Variants in DISC1 observed in about 807,000 individuals in gnomAD.
DISC1 encodes disrupted in schizophrenia 1 protein.
A neutral mutation model predicts 84.5 loss-of-function variants in DISC1; 57 were observed. That is an observed-to-expected ratio of 0.67 (90% CI 0.55 to 0.84). The LOEUF (loss-of-function observed/expected upper bound fraction) is 0.84. Ranked by LOEUF, DISC1 falls within the 40% of genes least tolerant of loss-of-function variation. The pLI, the probability that DISC1 is intolerant of heterozygous loss-of-function variation, is 0.00. For synonymous variants in DISC1, 411 were observed against 415.2 expected (o/e 0.99, Z 0.12); for missense variants, 1,000 against 1,057.8 (o/e 0.95, Z 0.76).
At chr1:231,845,777 C>T (rs1409551934) in intron 9 of DISC1, among the ~76,000 whole-genome samples, 4 of 151,874 alleles carry the variant, frequency 2.6e-5, no homozygotes, top group Non-Finnish European at 4.4e-5. Context: ...TGGATGTGGT[C>T]GTGGAACAGG....
intron 9 of DISC1, among the ~76,000 whole-genome samples, chr1:231,912,496 A>G (rs1215540737): frequency 6.6e-6 from 1 of 152,132 alleles, no homozygotes; most frequent in Non-Finnish European, 1.5e-5. Flanking sequence ...CAGAACAGCA[A>G]ATATTGCAGA....
At chr1:231,664,690 A>C (rs1331937035) in intron 1 of DISC1, among the ~76,000 whole-genome samples, 3 of 152,192 alleles carry the variant, frequency 2.0e-5, no homozygotes, top group Non-Finnish European at 2.9e-5. Flanking sequence ...GAACTGTAAA[A>C]TAATAGATTT....
At chr1:231,982,543 C>T (rs1422601689) in intron 10 of DISC1, among the ~76,000 whole-genome samples, 1 of 152,126 alleles carries the variant, frequency 6.6e-6, no homozygotes, top group African/African-American at 2.4e-5. Flanking sequence ...AGCAGAGTGG[C>T]AGATAAAAGA....
intron 3 of DISC1, among the ~76,000 whole-genome samples, chr1:231,737,810 C>G (rs1287918401): frequency 3.9e-5 from 6 of 152,234 alleles, no homozygotes; most frequent in African/African-American, 1.4e-4. Context: ...ATACATACGC[C>G]CGTTATCAGA....
chr1:231,724,190 G>A (rs1312976895), intron 3 of DISC1: 2 of 356,778 alleles, frequency 5.6e-6, no homozygotes, highest in Non-Finnish European at 7.8e-6. Flanking sequence ...AAGGGGGCAG[G>A]GCTGCTTCCC....
chr1:231,684,187 G>A (rs985995852), intron 1 of DISC1, among the ~76,000 whole-genome samples: 2 of 152,050 alleles, frequency 1.3e-5, no homozygotes, highest in Non-Finnish European at 2.9e-5. Flanking sequence ...CTGGAGTGCA[G>A]TGGCTATTCA....
intron 9 of DISC1, among the ~76,000 whole-genome samples, chr1:231,912,198 GTCC>G (rs2089265019): frequency 6.6e-6 from 1 of 152,080 alleles, no homozygotes; most frequent in Non-Finnish European, 1.5e-5. Flanking sequence ...GTCATTCTCC[GTCC>G]AGCTTTGTTC....
intron 11 of DISC1, among the ~76,000 whole-genome samples, chr1:232,016,160 C>G (rs998184192): frequency 6.6e-6 from 1 of 152,164 alleles, no homozygotes; most frequent in African/African-American, 2.4e-5. Flanking sequence ...AAAACAGTAA[C>G]TATGGTAGTC....
At chr1:232,014,073 C>A (rs774030979) in intron 11 of DISC1, among the ~76,000 whole-genome samples, 1 of 152,162 alleles carries the variant, frequency 6.6e-6, no homozygotes. Context: ...TATCTCCATT[C>A]CTTTTTACTC....
intron 7 of DISC1, among the ~76,000 whole-genome samples, chr1:231,799,286 C>A (rs1279138456): frequency 6.6e-6 from 1 of 152,064 alleles, no homozygotes; most frequent in Admixed American, 6.6e-5. Flanking sequence ...TATCTATCTG[C>A]CTTCAAAGTT....
chr1:232,009,223 A>C lies in DISC1; in HGVS notation c.2307+174A>C. Reference sequence around the variant, plus strand: ...ACAAAATAAAGTAGAATTTTTGTAGAAGTTTGAAATATAGAAGAGCAAAAA... The same window carrying C: ...ACAAAATAAAGTAGAATTTTTGTAGCAGTTTGAAATATAGAAGAGCAAAAA... On this transcript the variant is annotated intron_variant, in intron 11 of 12. Transcript: ENST00000439617. The surrounding 1 kb of genome is among the most constrained non-coding windows in gnomAD (Gnocchi z 4.6). The C allele has an allele frequency of 7.0e-7, 1 of 1,420,234 alleles. No individual in the cohort carries two copies. Among genetic ancestry groups the C allele is most frequent in the Non-Finnish European group, 9.2e-7 (1 of 1,090,498 alleles). 88.0% of individuals were successfully genotyped at this position (1,420,234 alleles called of 1,614,324 possible).
At chr1:231,945,049 A>G (rs1248320481) in intron 9 of DISC1, 1 of 152,206 alleles carries the variant, frequency 6.6e-6, no homozygotes, top group Non-Finnish European at 1.5e-5. Context: ...CAGAAAATTA[A>G]CAAGGATATT....
intron 10 of DISC1, among the ~76,000 whole-genome samples, chr1:232,007,628 G>C (rs1284908289): frequency 6.6e-6 from 1 of 152,146 alleles, no homozygotes; most frequent in Non-Finnish European, 1.5e-5. Flanking sequence ...CAGGCTCCTA[G>C]GTGGAAGAGA....
At chr1:231,801,265 C>T (rs1197534288) in intron 8 of DISC1, among the ~76,000 whole-genome samples, 5 of 151,018 alleles carry the variant, frequency 3.3e-5, no homozygotes, top group Admixed American at 6.6e-5. Flanking sequence ...AAATTATGGG[C>T]CCATTTGCTG....
At chr1:231,888,490 A>G (rs1446559157) in intron 9 of DISC1, among the ~76,000 whole-genome samples, 1 of 150,828 alleles carries the variant, frequency 6.6e-6, no homozygotes, top group Non-Finnish European at 1.5e-5. Flanking sequence ...CACACCTGTA[A>G]TCCCAGCACT....
chr1:231,740,405 G>C (rs1358202136), intron 3 of DISC1, among the ~76,000 whole-genome samples: 3 of 152,198 alleles, frequency 2.0e-5, no homozygotes, highest in Non-Finnish European at 2.9e-5. Context: ...TGGGTACCCT[G>C]ATCCTTAGTG....
intron 10 of DISC1, chr1:231,959,387 T>A (rs995206770): frequency 2.9e-5 from 29 of 985,760 alleles, no homozygotes; most frequent in Non-Finnish European, 3.4e-5. Context: ...ATGTCAGGGA[T>A]GCTGCAGCAT....
chr1:231,833,805 T>A (rs1271437463), intron 9 of DISC1, among the ~76,000 whole-genome samples: 1 of 152,192 alleles, frequency 6.6e-6, no homozygotes, highest in African/African-American at 2.4e-5. Flanking sequence ...CTCAGAAATA[T>A]GTTGCTACTT....
chr1:231,780,252 G>GGAAAAAATAAAAAAAAAAAAAAAAAAAA (rs2077312949), intron 6 of DISC1, among the ~76,000 whole-genome samples: 1 of 120,236 alleles, frequency 8.3e-6, no homozygotes, highest in Non-Finnish European at 1.7e-5. Flanking sequence ...AAAAAAAAAA[G>GGAAAAAATAAAAAAAAAAAAAAAAAAAA]AAAAGGAAAG....
Sources: allele counts gnomAD v4.1 joint callset (sites outside exome capture counted in the v4.1 genomes callset), GRCh38; gene constraint gnomAD v4.1.1; non-coding constraint Gnocchi (gnomAD v3.1); transcripts MANE v1.5; gene names NCBI Gene and HGNC (gene_info 2026-07-23, HGNC 2026-07-21).